The following CCR4 variants were observed in gnomAD, a reference collection of about 807,000 sequenced individuals.
The protein encoded by CCR4 is C-C chemokine receptor type 4.
Under a neutral mutation model 17.1 loss-of-function variants are expected in CCR4, and 9 were observed. That is an observed-to-expected ratio of 0.53 (90% confidence interval 0.32 to 0.92). CCR4 has a LOEUF of 0.92. Among genes scored for constraint, CCR4 ranks in the 40% least tolerant of loss-of-function variants. CCR4 has a pLI of 0.04. For synonymous variants in CCR4, 217 were observed against 174.3 expected, an observed-to-expected ratio of 1.24 and a Z score of -1.93; for missense variants, 385 against 433.9, an observed-to-expected ratio of 0.89 and a Z score of 1.00.
Position 32,954,343 on chromosome 3 carries a change from G to A in CCR4, c.921G>A (p.Leu307=). ...TTAATCCCATCATCTACTTTTTTCT[G>A]GGGGAGAAATTTCGCAAGTACATCC... ...CCLNPIIYFF[L]GEKFRKYILQ... is the part of the protein sequence containing the mutation. Residue 307 remains leucine (L), a synonymous_variant, in exon 2 of 2, where the codon CTG becomes CTA. Transcript: ENST00000330953. 6.2e-7 allele frequency: 1 copy of A among 1,613,910 alleles called. No homozygotes were observed. Among genetic ancestry groups the A allele is most frequent in the Non-Finnish European group, 8.5e-7 (1 of 1,179,968 alleles).
chr3:32,953,599 G>A lies in CCR4; in HGVS notation c.177G>A (p.Val59=). The part of the protein sequence containing the change: ...VFVFGLLGNS[V]VVLVLFKYKR... ...TATTTGGTCTGCTTGGAAATTCTGT[G>A]GTGGTTCTGGTCCTGTTCAAATACA... Residue 59 remains valine, a synonymous_variant, in exon 2 of 2, where the codon GTG becomes GTA. Coordinates refer to ENST00000330953, the MANE Select transcript of CCR4 (RefSeq NM_005508.5). 6.2e-7 allele frequency: 1 copy of A among 1,613,964 alleles called. No homozygotes were observed. Among genetic ancestry groups the A allele is most frequent in the Non-Finnish European group, 8.5e-7 (1 of 1,180,000 alleles).
chr3:32,953,591 A>T lies in CCR4; in HGVS notation c.169A>T (p.Asn57Tyr). The T allele has an allele frequency of 6.2e-7, 1 of 1,613,866 alleles. No homozygotes were observed. The highest frequency in any genetic ancestry group is 8.5e-7 in the Non-Finnish European group (1 of 1,180,002). The change falls in exon 2 of 2, where the codon AAT (asparagine) becomes TAT (tyrosine). Residue 57 changes from asparagine (N) to tyrosine (Y), a missense_variant. Coordinates refer to ENST00000330953, the MANE Select transcript of CCR4 (RefSeq NM_005508.5). Reference sequence around the variant, plus strand: ...GGTTTTTGTATTTGGTCTGCTTGGAAATTCTGTGGTGGTTCTGGTCCTGTT... The same window carrying T: ...GGTTTTTGTATTTGGTCTGCTTGGATATTCTGTGGTGGTTCTGGTCCTGTT... ...SLVFVFGLLG[N>Y]SVVVLVLFKY...
Position 32,954,464 on chromosome 3 carries a change from A to T in CCR4, c.1042A>T (p.Thr348Ser). 1 of 1,566,816 alleles carries T rather than the reference A, an allele frequency of 6.4e-7. No homozygotes were observed. Among genetic ancestry groups the T allele is most frequent in the Non-Finnish European group, 8.6e-7 (1 of 1,161,178 alleles). Residue 348 changes from threonine to serine, a missense_variant, in exon 2 of 2, where the codon ACG becomes TCG. Physicochemically the swap from Thr to Ser is moderately conservative, Grantham distance 58 (BLOSUM62 1). Transcript: ENST00000330953. ...TGCTGACACCCCCAGCTCATCTTAC[A>T]CGCAGTCCACCATGGATCATGATCT... Reference protein sequence around the residue: ...YSADTPSSSYTQSTMDHDLHD... With the variant: ...YSADTPSSSYSQSTMDHDLHD...
Position 32,953,297 on chromosome 3 carries a change from C to T in CCR4, c.-51-75C>T, listed in dbSNP as rs142784009. The T allele has an allele frequency of 1.9e-4, 212 of 1,117,286 alleles. No individual in the cohort carries two copies. The East Asian group carries it at 4.4e-3, about 23-fold the overall frequency. The allele number at this position is 1,117,286 out of a possible 1,614,324, so 69.2% of individuals were successfully genotyped here. On this transcript the variant is annotated intron_variant, in intron 1 of 1. Coordinates refer to ENST00000330953, the MANE Select transcript of CCR4 (RefSeq NM_005508.5). ...AGACCTGGAGCAAAACAGTACGCAG[C>T]CATGCTCTGCATTTAGCAATACTTT... is the stretch of plus-strand genomic sequence containing the variant.
At chr3:32,953,322 T>C (rs1697699265) in intron 1 of CCR4, 50 bp from the exon 2 acceptor site, 1 of 1,355,030 alleles carries the variant, frequency 7.4e-7, no homozygotes, top group Non-Finnish European at 1.0e-6. Flanking sequence ...AGCAATACTT[T>C]GGTTTATTTT....
intron 1 of CCR4, among the ~76,000 whole-genome samples, chr3:32,953,128 C>T (rs546676715): frequency 1.3e-5 from 2 of 152,280 alleles, no homozygotes; most frequent in African/African-American, 4.8e-5. Context: ...AGAACTGAAG[C>T]TCCTGGCAGA....
In CCR4 at chr3:32,954,027, G is replaced by C. The variant is rs1697724630; in HGVS notation, c.605G>C (p.Ser202Thr). ...SLNSTTWKVL[S>T]SLEINILGLV... ...AACTCCACGACGTGGAAGGTTCTCAGCTCCCTGGAAATCAACATTCTCGGA... is the reference window on the plus strand; with the variant it reads ...AACTCCACGACGTGGAAGGTTCTCACCTCCCTGGAAATCAACATTCTCGGA... Residue 202 changes from serine to threonine, a missense_variant, in exon 2 of 2, where the codon AGC becomes ACC. Physicochemically the swap from Ser to Thr is moderately conservative, Grantham distance 58. Transcript: ENST00000330953. 2 of 1,614,012 alleles carry C rather than the reference G, an allele frequency of 1.2e-6. No homozygotes were observed. Among genetic ancestry groups the C allele is most frequent in the South Asian group, 2.2e-5 (2 of 91,080 alleles).
rs1197117197 is a variant in CCR4, at chr3:32,955,460, C to G, written c.*955C>G. ...GCTGAGGCTGGAGAATAACTTGAATCCGGGAGGTGGAGGTTGCGGTGAGCC... is the reference window on the plus strand; with the variant it reads ...GCTGAGGCTGGAGAATAACTTGAATGCGGGAGGTGGAGGTTGCGGTGAGCC... On this transcript the variant is annotated 3_prime_UTR_variant, in exon 2 of 2. Transcript: ENST00000330953. The G allele has an allele frequency of 6.1e-6, 1 of 164,544 alleles. No individual in the cohort carries two copies. Among genetic ancestry groups the G allele is most frequent in the African/African-American group, 2.4e-5 (1 of 41,006 alleles). 10.2% of individuals were successfully genotyped at this position (164,544 alleles called of 1,614,324 possible). A position where few individuals can be genotyped will look rare whatever the true frequency, so the allele number is the denominator to read the frequency against.
chr3:32,952,481 G>A (rs868678114), intron 1 of CCR4, among the ~76,000 whole-genome samples: 2 of 152,102 alleles, frequency 1.3e-5, no homozygotes, highest in African/African-American at 2.4e-5. Flanking sequence ...CTGGCATGGA[G>A]CTCCTTGGCT....
chr3:32,953,695 C>G lies in CCR4; in HGVS notation c.273C>G (p.Ser91=), dbSNP rs1017917628. The G allele has an allele frequency of 2.5e-6, 4 of 1,613,954 alleles. No individual in the cohort carries two copies. Among genetic ancestry groups the G allele is most frequent in the Non-Finnish European group, 3.4e-6 (4 of 1,180,036 alleles). Residue 91 remains serine (S), a synonymous_variant, in exon 2 of 2, where the codon TCC becomes TCG. Coordinates refer to ENST00000330953, the MANE Select transcript of CCR4 (RefSeq NM_005508.5). ...TCTCGGATCTGCTCTTCGTGTTTTCCCTCCCTTTTTGGGGCTACTATGCAG... is the reference window on the plus strand; with the variant it reads ...TCTCGGATCTGCTCTTCGTGTTTTCGCTCCCTTTTTGGGGCTACTATGCAG... ...LAISDLLFVF[S]LPFWGYYAAD...
chr3:32,955,600 A>G lies in CCR4; in HGVS notation c.*1095A>G, dbSNP rs1383927942. On this transcript the variant is annotated 3_prime_UTR_variant, in exon 2 of 2. Transcript: ENST00000330953. ...AGAATACATTTATTTGAGGTCATTT[A>G]CTTGTTTTTTTTTTTTTTTTTTTTT... is the stretch of plus-strand genomic sequence containing the variant. 7.7e-5 allele frequency: 11 copies of G among 143,690 alleles called. No homozygotes were observed. Among genetic ancestry groups the G allele is most frequent in the Non-Finnish European group, 1.6e-5 (1 of 62,706 alleles). The allele number at this position is 143,690 out of a possible 1,614,324, so 8.9% of individuals were successfully genotyped here.
At chr3:32,951,794 A>C (rs1016837777) in intron 1 of CCR4, 104 bp downstream of exon 1, 1 of 152,480 alleles carries the variant, frequency 6.6e-6, no homozygotes, top group South Asian at 2.1e-4. Context: ...TACACTTGGC[A>C]CCTACCTTGC....
At chr3:32,952,823 G>A (rs970401680) in intron 1 of CCR4, among the ~76,000 whole-genome samples, 1 of 152,162 alleles carries the variant, frequency 6.6e-6, no homozygotes, top group African/African-American at 2.4e-5. Flanking sequence ...AATTTAGATA[G>A]GAAGTGAAGG....
In CCR4 at chr3:32,954,787, A is replaced by G. The variant is rs908106970; in HGVS notation, c.*282A>G. 41 of 347,194 alleles carry G rather than the reference A, an allele frequency of 1.2e-4. No homozygotes were observed. The highest frequency in any genetic ancestry group is 2.0e-4 in the Non-Finnish European group (37 of 182,972). The allele number at this position is 347,194 out of a possible 1,614,324, so 21.5% of individuals were successfully genotyped here. A position where few individuals can be genotyped will look rare whatever the true frequency, so the allele number is the denominator to read the frequency against. On this transcript the variant is annotated 3_prime_UTR_variant, in exon 2 of 2. Transcript: ENST00000330953. Reference sequence around the variant, plus strand: ...CTGAGCAGTGCTTGAATGAAGTTGTAGGTAATATTGCAAGGCAAAGACTAT... The same window carrying G: ...CTGAGCAGTGCTTGAATGAAGTTGTGGGTAATATTGCAAGGCAAAGACTAT...
At chr3:32,952,836 G>A (rs754595485) in intron 1 of CCR4, among the ~76,000 whole-genome samples, 7 of 152,184 alleles carry the variant, frequency 4.6e-5, no homozygotes, top group African/African-American at 1.4e-4. Context: ...AGTGAAGGTG[G>A]TTGGGGAGGT....
At chr3:32,951,990 T>C (rs1697680850) in intron 1 of CCR4, among the ~76,000 whole-genome samples, 1 of 152,156 alleles carries the variant, frequency 6.6e-6, no homozygotes, top group Non-Finnish European at 1.5e-5. Flanking sequence ...AGGCAAGAAA[T>C]ACCACACACG....
chr3:32,954,246 A>G lies in CCR4; in HGVS notation c.824A>G (p.Asp275Gly), dbSNP rs373472995. Residue 275 changes from aspartate to glycine, a missense_variant, in exon 2 of 2, where the codon GAC (aspartate) becomes GGC (glycine). Asp to Gly is a moderately conservative substitution (Grantham distance 94). Coordinates refer to ENST00000330953, the MANE Select transcript of CCR4 (RefSeq NM_005508.5). ...CTGGTGGAGCTAGAAGTCCTTCAGGACTGCACCTTTGAAAGATACTTGGAC... is the reference window on the plus strand; with the variant it reads ...CTGGTGGAGCTAGAAGTCCTTCAGGGCTGCACCTTTGAAAGATACTTGGAC... ...ETLVELEVLQ[D>G]CTFERYLDYA... The G allele has an allele frequency of 1.9e-6, 3 of 1,613,938 alleles. No individual in the cohort carries two copies. In the African/African-American group the frequency reaches 4.0e-5, roughly 22 times the overall value.
In CCR4 at chr3:32,954,698, T is replaced by C. The variant is rs1261780503; in HGVS notation, c.*193T>C. The C allele has an allele frequency of 1.8e-5, 10 of 558,638 alleles. No individual in the cohort carries two copies. The highest frequency in any genetic ancestry group is 3.1e-5 in the Non-Finnish European group (10 of 326,576). 34.6% of individuals were successfully genotyped at this position (558,638 alleles called of 1,614,324 possible). A position where few individuals can be genotyped will look rare whatever the true frequency, so the allele number is the denominator to read the frequency against. On this transcript the variant is annotated 3_prime_UTR_variant, in exon 2 of 2. Transcript: ENST00000330953. ...AAGTCCAGCCTGGCAAGGGTTCACC[T>C]GGGCTGAGGCATCCTTCCTCACACC...
In CCR4 at chr3:32,954,145, G is replaced by A; in HGVS notation, c.723G>A (p.Val241=). ...HCKNEKKNKA[V]KMIFAVVVLF... ...AAAATGAGAAGAAGAACAAGGCGGT[G>A]AAGATGATCTTTGCCGTGGTGGTCC... The change falls in exon 2 of 2, where the codon GTG becomes GTA. Residue 241 remains valine, a synonymous_variant. Transcript: ENST00000330953. 1 of 1,614,190 alleles carries A rather than the reference G, an allele frequency of 6.2e-7. No individual in the cohort carries two copies. The highest frequency in any genetic ancestry group is 1.1e-5 in the South Asian group (1 of 91,084).
Sources: gnomAD v4.1 joint callset for allele counts (sites outside exome capture counted in the v4.1 genomes callset) on GRCh38, gnomAD v4.1.1 for gene constraint, MANE v1.5 for transcripts, NCBI Gene and HGNC (gene_info 2026-07-23, HGNC 2026-07-21) for gene names.